The following RARB variants were observed in gnomAD, a reference collection of about 807,000 sequenced individuals.
The protein encoded by RARB is HBV-activated protein.
A neutral mutation model predicts 51.9 loss-of-function variants in RARB; 17 were observed. The observed-to-expected ratio is 0.33, with a 90% CI of 0.22 to 0.49. The LOEUF is 0.49. Among genes scored for constraint, RARB ranks in the 20% least tolerant of loss-of-function variants. RARB has a pLI of 0.99. For synonymous variants in RARB, 215 were observed against 195.4 expected, an observed-to-expected ratio of 1.10 and a Z score of -0.84; for missense variants, 369 against 550.8, an observed-to-expected ratio of 0.67 and a Z score of 3.30.
At chr3:25,505,049 G>C (rs1455446410) in intron 3 of RARB, among the ~76,000 whole-genome samples, 1 of 152,082 alleles carries the variant, frequency 6.6e-6, no homozygotes, top group Non-Finnish European at 1.5e-5. Flanking sequence ...AGAGTGCTGG[G>C]ATTACAGGCG....
intron 2 of RARB, among the ~76,000 whole-genome samples, chr3:24,936,579 A>G (rs1173949175): frequency 6.6e-6 from 1 of 152,240 alleles, no homozygotes; most frequent in Non-Finnish European, 1.5e-5. Flanking sequence ...ATAAAGCAAC[A>G]TGAGAAAGAG....
chr3:25,320,131 C>T (rs987613252), intron 5 of RARB, among the ~76,000 whole-genome samples: 2 of 151,738 alleles, frequency 1.3e-5, no homozygotes, highest in Non-Finnish European at 2.9e-5. Flanking sequence ...CCAAAAGTCA[C>T]CCCAACCTCT....
intron 5 of RARB, among the ~76,000 whole-genome samples, chr3:25,393,951 G>A (rs1230038039): frequency 6.6e-6 from 1 of 151,872 alleles, no homozygotes; most frequent in Non-Finnish European, 1.5e-5. Context: ...TTCTTCTGCT[G>A]AGTTTGGTTT....
At chr3:25,508,829 T>C (rs1260084275) in intron 3 of RARB, among the ~76,000 whole-genome samples, 3 of 151,194 alleles carry the variant, frequency 2.0e-5, no homozygotes, top group Non-Finnish European at 4.4e-5. Context: ...AGCTGGAAAA[T>C]AAAAATCTGC....
intron 4 of RARB, among the ~76,000 whole-genome samples, chr3:25,151,248 G>C (rs1700282293): frequency 1.3e-5 from 2 of 152,134 alleles, no homozygotes; most frequent in Admixed American, 1.3e-4. Flanking sequence ...ACAGTATGAG[G>C]GTAGTGTCTT....
intron 2 of RARB, among the ~76,000 whole-genome samples, chr3:24,978,816 C>T (rs565940811): frequency 6.6e-6 from 1 of 151,776 alleles, no homozygotes; most frequent in South Asian, 2.1e-4. Flanking sequence ...TTTGCTCTTG[C>T]TTCTCTACTT....
At chr3:25,115,652 CTTTTTCCTTTCCTTT>C (rs1319294847) in intron 3 of RARB, among the ~76,000 whole-genome samples, 1 of 119,942 alleles carries the variant, frequency 8.3e-6, no homozygotes, top group East Asian at 2.4e-4. Context: ...TTCTTTCTTT[CTTTTTCCTTTCCTTT>C]CCTTTCCTCT....
At chr3:24,916,112 T>C (rs1301300929) in intron 2 of RARB, among the ~76,000 whole-genome samples, 1 of 152,076 alleles carries the variant, frequency 6.6e-6, no homozygotes, top group Non-Finnish European at 1.5e-5. Context: ...TTCTGTGTAA[T>C]GAGAGCACAA....
At chr3:25,523,229 C>A (rs1010665588) in intron 3 of RARB, among the ~76,000 whole-genome samples, 10 of 152,140 alleles carry the variant, frequency 6.6e-5, no homozygotes, top group Admixed American at 6.5e-5. Flanking sequence ...TGGTTCTCTG[C>A]CCTTGTTTGT....
At chr3:24,897,884 T>G (rs1325389087) in intron 2 of RARB, among the ~76,000 whole-genome samples, 8 of 152,214 alleles carry the variant, frequency 5.3e-5, no homozygotes, top group African/African-American at 1.7e-4. Flanking sequence ...AGAAGACATT[T>G]GCCAAATACA....
At chr3:25,361,870 C>T (rs11917951) in intron 5 of RARB, among the ~76,000 whole-genome samples, 7,228 of 152,216 alleles carry the variant, frequency 0.047, 578 homozygotes, top group African/African-American at 0.16. Context: ...CCCAGAGGGG[C>T]ACCAGCCATA....
intron 2 of RARB, among the ~76,000 whole-genome samples, chr3:24,977,504 T>C (rs1246461741): frequency 6.6e-6 from 1 of 152,178 alleles, no homozygotes; most frequent in East Asian, 1.9e-4. Flanking sequence ...TTCCTAGGTA[T>C]TTTATTCTCT....
chr3:24,902,580 TAC>T (rs1403838327), intron 2 of RARB, among the ~76,000 whole-genome samples: 1 of 152,190 alleles, frequency 6.6e-6, no homozygotes, highest in Non-Finnish European at 1.5e-5. Context: ...ATATGTATTG[TAC>T]AGTGAACCGA....
At chr3:25,107,638 C>T (rs1291249663) in intron 3 of RARB, among the ~76,000 whole-genome samples, 1 of 152,002 alleles carries the variant, frequency 6.6e-6, no homozygotes, top group Non-Finnish European at 1.5e-5. Context: ...TGTGTTTTTT[C>T]CTACACATAC....
Position 25,404,003 on chromosome 3 carries a change from A to T in RARB, c.179-57190A>T, listed in dbSNP as rs1376735055. 2.6e-5 allele frequency among the ~76,000 whole-genome samples: 4 copies of T among 151,694 alleles called. No individual in the cohort carries two copies. In the East Asian group the frequency reaches 7.8e-4, roughly 29 times the overall value. On this transcript the variant is annotated intron_variant, in intron 5 of 11. Coordinates refer to the RARB transcript ENST00000383772. ...TTTCAGGATTTTTTTTTTCTGGACA[A>T]GATCCACCTGGAGCTTTTCAGAGGT...
chr3:25,171,235 G>C (rs1038084808), intron 4 of RARB, among the ~76,000 whole-genome samples: 1 of 151,844 alleles, frequency 6.6e-6, no homozygotes, highest in Non-Finnish European at 1.5e-5. Flanking sequence ...CTGAGGTGGT[G>C]AAGGAAAGAA....
intron 2 of RARB, among the ~76,000 whole-genome samples, chr3:24,959,343 G>A (rs1696089025): frequency 6.6e-6 from 1 of 152,206 alleles, no homozygotes; most frequent in Non-Finnish European, 1.5e-5. Context: ...TCAGTGGGAA[G>A]GGGAGCTGGA....
chr3:25,022,969 C>T (rs114626709), intron 2 of RARB, among the ~76,000 whole-genome samples: 260 of 152,262 alleles, frequency 1.7e-3, no homozygotes, highest in Non-Finnish European at 3.1e-3. Context: ...TCACCAGACC[C>T]TAAGCAAAGA....
chr3:25,126,469 C>A (rs1274340597), intron 3 of RARB, among the ~76,000 whole-genome samples: 1 of 151,396 alleles, frequency 6.6e-6, no homozygotes, highest in Non-Finnish European at 1.5e-5. Context: ...GTCACTAATG[C>A]TAAACAAGCA....
Sources: gnomAD v4.1 joint callset for allele counts (sites outside exome capture counted in the v4.1 genomes callset) on GRCh38, gnomAD v4.1.1 for gene constraint, MANE v1.5 for transcripts, NCBI Gene and HGNC (gene_info 2026-07-23, HGNC 2026-07-21) for gene names.